MRPL58: variants seen among roughly 807,000 people sequenced by gnomAD.
MRPL58 encodes large ribosomal subunit protein mL62.
Under a neutral mutation model 26.0 loss-of-function variants are expected in MRPL58, and 17 were observed. That is an observed-to-expected ratio of 0.65 (90% CI 0.45 to 0.98). The LOEUF is 0.98. MRPL58 is among the 50% of genes least tolerant of loss of function. MRPL58 has a pLI of 0.00. For missense variants in MRPL58, 250 were observed against 269.0 expected (o/e 0.93, Z 0.49); for synonymous variants, 100 against 99.7 (o/e 1.00, Z -0.02).
At chr17:75,014,510 C>G (rs1174846299) in intron 1 of MRPL58, among the ~76,000 whole-genome samples, 4 of 137,190 alleles carry the variant, frequency 2.9e-5, no homozygotes, top group African/African-American at 1.1e-4. Context: ...GTGGCGTGAT[C>G]TCAGCCCACT....
rs59893179 is a variant in MRPL58 at position 75,019,824 on chromosome 17, C to G, written c.283+65C>G. On this transcript the variant is annotated intron_variant, in intron 3 of 5. Coordinates refer to ENST00000301585, the MANE Select transcript of MRPL58 (RefSeq NM_001545.3). The stretch of plus-strand genomic sequence containing the variant: ...AGCTGGGAGATGGGCTTGAGGAGCT[C>G]TGTGTTTGTGTTCATATGGAATAAA... 75 of 1,297,144 alleles carry G rather than the reference C, an allele frequency of 5.8e-5. No homozygotes were observed. In the East Asian group the frequency reaches 1.8e-3, roughly 30 times the overall value. 80.4% of individuals were successfully genotyped at this position (1,297,144 alleles called of 1,614,324 possible).
intron 1 of MRPL58, 83 bp downstream of exon 1, chr17:75,012,955 G>A: frequency 1.6e-6 from 2 of 1,280,606 alleles, no homozygotes; most frequent in Non-Finnish European, 2.2e-6. Flanking sequence ...TTGGCCGGAT[G>A]TGGAGCTACG....
At chr17:75,018,610 C>T (rs561500093) in intron 2 of MRPL58, 2 of 152,090 alleles carry the variant, frequency 1.3e-5, no homozygotes, top group African/African-American at 2.4e-5. Context: ...CTGAAAGGAA[C>T]ACCCTGGATA....
intron 1 of MRPL58, among the ~76,000 whole-genome samples, chr17:75,013,816 G>T (rs1026579533): frequency 4.6e-5 from 7 of 152,124 alleles, no homozygotes; most frequent in African/African-American, 1.7e-4. Flanking sequence ...GCTCAGCAGG[G>T]GTCAGGAGAC....
chr17:75,017,930 A>AG (rs1174974052), intron 2 of MRPL58, among the ~76,000 whole-genome samples: 1 of 150,826 alleles, frequency 6.6e-6, no homozygotes, highest in African/African-American at 2.4e-5. Context: ...TCTCAGACGA[A>AG]AAAAAAAAAA....
Position 75,020,547 on chromosome 17 carries a change from T to A in MRPL58, c.426T>A (p.Tyr142Ter), listed in dbSNP as rs766571823. 6.2e-7 allele frequency: 1 copy of A among 1,614,168 alleles called. No homozygotes were observed. Among genetic ancestry groups the A allele is most frequent in the Non-Finnish European group, 8.5e-7 (1 of 1,180,032 alleles). Residue 142 changes from tyrosine to a stop codon, truncating the protein, a stop_gained, in exon 5 of 6, where the codon TAT becomes TAA. Transcript: ENST00000301585. LOFTEE classifies it high-confidence loss of function. ...ELILTSESSR[Y>*]QFRNLADCLQ... The stretch of plus-strand genomic sequence containing the variant: ...TCCTCACCTCTGAGAGCAGCCGCTA[T>A]CAGTTCCGGAATCTGGCAGATTGCC...
rs764486662 is a variant in MRPL58 at position 75,012,721 on chromosome 17, G to A, written c.35G>A (p.Ser12Asn). 4 of 1,575,290 alleles carry A rather than the reference G, an allele frequency of 2.5e-6. No homozygotes were observed. Among genetic ancestry groups the A allele is most frequent in the South Asian group, 1.2e-5 (1 of 86,500 alleles). Residue 12 changes from serine (S) to asparagine (N), a missense_variant, in exon 1 of 6, where the codon AGC (serine) becomes AAC (asparagine). Transcript: ENST00000301585. Reference protein sequence around the residue: ...AATRCLRWGLSRAGVWLLPPP... With the variant: ...AATRCLRWGLNRAGVWLLPPP... ...ACCAGGTGCCTGCGCTGGGGCCTGA[G>A]CCGAGCCGGAGTCTGGCTGCTCCCA... is the stretch of plus-strand genomic sequence containing the variant.
chr17:75,020,889 T>C (rs371598584), intron 5 of MRPL58, 32 bp from the exon 6 acceptor site: 1 of 1,553,970 alleles, frequency 6.4e-7, no homozygotes, highest in South Asian at 1.1e-5. Context: ...TGATTGGGCA[T>C]CTGGGGCTAA....
intron 1 of MRPL58, among the ~76,000 whole-genome samples, chr17:75,013,974 T>C (rs886839064): frequency 2.0e-5 from 3 of 152,048 alleles, no homozygotes; most frequent in Non-Finnish European, 2.9e-5. Flanking sequence ...CAGAGAGCCT[T>C]ACAGAGAACA....
At chr17:75,014,647 A>G (rs2039960586) in intron 1 of MRPL58, among the ~76,000 whole-genome samples, 1 of 151,766 alleles carries the variant, frequency 6.6e-6, no homozygotes, top group Admixed American at 6.6e-5. Context: ...GGTTTTCACC[A>G]TGTTGGCCAG....
rs1490515392 is a variant in MRPL58 at position 75,013,802 on chromosome 17, TGTGGCTCAGCAGGGGTCAGGA to T, written c.186+932_186+952del. Among the ~76,000 whole-genome samples, 4 of 152,128 alleles carry T rather than the reference TGTGGCTCAGCAGGGGTCAGGA, an allele frequency of 2.6e-5. No homozygotes were observed. The East Asian group carries it at 7.7e-4, about 29-fold the overall frequency. On this transcript the variant is annotated intron_variant, in intron 1 of 5. Coordinates refer to ENST00000301585, the MANE Select transcript of MRPL58 (RefSeq NM_001545.3). The stretch of plus-strand genomic sequence containing the variant: ...CCTGAAGGCAGTAGCAATCCCCAGG[TGTGGCTCAGCAGGGGTCAGGA>T]GACAAAGCCAAAGAGAGGGATGGCT...
At position 75,020,889 on chromosome 17, in the gene MRPL58, T is replaced by G. The variant is rs371598584; in HGVS notation, c.537-32T>G. On this transcript the variant is annotated intron_variant, in intron 5 of 5. Transcript: ENST00000301585. Reference sequence around the variant, plus strand: ...CACTTTGAAAAGCACTGATTGGGCATCTGGGGCTAATTGCAGTCTTTTTGT... The same window carrying G: ...CACTTTGAAAAGCACTGATTGGGCAGCTGGGGCTAATTGCAGTCTTTTTGT... 1.6e-4 allele frequency: 246 copies of G among 1,553,970 alleles called. 1 individual carries two copies. The African/African-American group carries it at 3.0e-3, about 19-fold the overall frequency.
In MRPL58 at chr17:75,012,886, G is replaced by A; in HGVS notation, c.186+14G>A. ...TGGAGGGTCCCGGTGAGCCGGGAAG[G>A]ACTGGACGGAAGGGGCGTTTTGTCA... On this transcript the variant is annotated intron_variant, in intron 1 of 5. Coordinates refer to ENST00000301585, the MANE Select transcript of MRPL58 (RefSeq NM_001545.3). The A allele has an allele frequency of 1.2e-6, 2 of 1,600,492 alleles. No homozygotes were observed. The highest frequency in any genetic ancestry group is 8.5e-7 in the Non-Finnish European group (1 of 1,175,226).
At position 75,012,738 on chromosome 17, in the gene MRPL58, C is replaced by G. The variant is rs1360167140; in HGVS notation, c.52C>G (p.Leu18Val). Residue 18 changes from leucine (L) to valine (V), a missense_variant, in exon 1 of 6, where the codon CTG becomes GTG. Transcript: ENST00000301585. ...RWGLSRAGVW[L>V]LPPPARCPRR... ...GGGCCTGAGCCGAGCCGGAGTCTGGCTGCTCCCACCGCCCGCACGGTGCCC... is the reference window on the plus strand; with the variant it reads ...GGGCCTGAGCCGAGCCGGAGTCTGGGTGCTCCCACCGCCCGCACGGTGCCC... 1 of 1,583,570 alleles carries G rather than the reference C, an allele frequency of 6.3e-7. No individual in the cohort carries two copies. The highest frequency in any genetic ancestry group is 8.6e-7 in the Non-Finnish European group (1 of 1,166,956).
intron 1 of MRPL58, among the ~76,000 whole-genome samples, chr17:75,016,572 A>AAGAG (rs34357338): frequency 1.2e-3 from 181 of 151,914 alleles, no homozygotes; most frequent in Non-Finnish European, 2.1e-3. Flanking sequence ...GAGGAACAGC[A>AAGAG]AGAGAGAGAG....
At chr17:75,020,292 C>T in intron 3 of MRPL58, 21 bp from the exon 4 acceptor site, 2 of 1,603,774 alleles carry the variant, frequency 1.2e-6, no homozygotes, top group South Asian at 1.1e-5. Flanking sequence ...ACCCATGCTC[C>T]CTTCTCCCTT....
At chr17:75,018,578 C>G (rs2039992165) in intron 2 of MRPL58, 1 of 152,036 alleles carries the variant, frequency 6.6e-6, no homozygotes, top group South Asian at 2.1e-4. Flanking sequence ...ATATCCCTAT[C>G]TGTGTAGAGA....
chr17:75,020,779 G>A (rs1388757720), intron 5 of MRPL58, 122 bp downstream of exon 5: 3 of 1,267,960 alleles, frequency 2.4e-6, no homozygotes, highest in Non-Finnish European at 3.4e-6. Flanking sequence ...AAGAGGAGAG[G>A]ATGCTGACCT....
intron 2 of MRPL58, 87 bp from the exon 3 acceptor site, chr17:75,019,613 C>T (rs2039999921): frequency 7.7e-7 from 1 of 1,304,506 alleles, no homozygotes; most frequent in East Asian, 2.3e-5. Context: ...AATATAATAC[C>T]TTCCCTACAT....
Sources: allele counts gnomAD v4.1 joint callset (sites outside exome capture counted in the v4.1 genomes callset), GRCh38; gene constraint gnomAD v4.1.1; transcripts MANE v1.5; gene names NCBI Gene and HGNC (gene_info 2026-07-23, HGNC 2026-07-21).